CUX1: variants seen among roughly 807,000 people sequenced by gnomAD.
CUX1 encodes protein CASP.
CUX1 carries 31 observed loss-of-function variants against 158.8 expected under a neutral mutation model. The observed-to-expected ratio is 0.20, with a 90% CI of 0.15 to 0.26. CUX1 has a LOEUF of 0.26. CUX1 is among the 10% of genes least tolerant of loss of function. The pLI, the probability that CUX1 is intolerant of heterozygous loss-of-function variation, is 1.00. For synonymous variants in CUX1, 879 were observed against 862.1 expected, an observed-to-expected ratio of 1.02 and a Z score of -0.34; for missense variants, 1,589 against 2,014.6, an observed-to-expected ratio of 0.79 and a Z score of 4.04.
chr7:102,012,917 C>T (rs1818194226), intron 2 of CUX1, among the ~76,000 whole-genome samples: 1 of 152,148 alleles, frequency 6.6e-6, no homozygotes, highest in Non-Finnish European at 1.5e-5. Context: ...GCAGTCAGCA[C>T]CAACCACGGT....
intron 21 of CUX1, among the ~76,000 whole-genome samples, chr7:102,229,593 T>G (rs1349955025): frequency 2.7e-5 from 4 of 146,346 alleles, no homozygotes; most frequent in African/African-American, 5.1e-5. Flanking sequence ...ATTACAGGCA[T>G]GAGCCACCGT....
At chr7:102,170,335 T>G (rs1477335673) in intron 9 of CUX1, 111 bp from the exon 10 acceptor site, 6 of 746,892 alleles carry the variant, frequency 8.0e-6, no homozygotes, top group Non-Finnish European at 1.3e-5. Context: ...GTTGAGTGTT[T>G]AGGAAAATCA....
rs369782160 is a variant in CUX1, at chr7:102,200,123, C to A, written c.2013C>A (p.Ile671=). The change falls in exon 17 of 24, where the codon ATC becomes ATA. Residue 671 remains isoleucine, a synonymous_variant. Coordinates refer to ENST00000292535, the MANE Select transcript of CUX1 (RefSeq NM_181552.4). ...RASETGSDEA[I]KSILEQAKRE... is the part of the protein sequence containing the mutation. ...CGGAGACTGGCTCTGATGAAGCCAT[C>A]AAGTCCATCCTAGAGCAAGCCAAGA... 14 of 1,613,728 alleles carry A rather than the reference C, an allele frequency of 8.7e-6. No homozygotes were observed. The highest frequency in any genetic ancestry group is 1.2e-5 in the Non-Finnish European group (14 of 1,179,828).
At position 102,129,449 on chromosome 7, in the gene CUX1, C is replaced by T. The variant is rs1224239807; in HGVS notation, c.674+14176C>T. Among the ~76,000 whole-genome samples the T allele has an allele frequency of 5.3e-5, 8 of 152,172 alleles. No individual in the cohort carries two copies. The East Asian group carries it at 1.4e-3, about 26-fold the overall frequency. On this transcript the variant is annotated intron_variant, in intron 8 of 23. Coordinates refer to ENST00000292535, the MANE Select transcript of CUX1 (RefSeq NM_181552.4). ...CTGTAATCCCAGCACTTTGGGAGGC[C>T]AAGATGGGCAGATCACTTGAGGTCA...
At chr7:102,262,864 C>T (rs143039203), downstream of CUX1, among the ~76,000 whole-genome samples, 7 of 152,232 alleles carry the variant, frequency 4.6e-5, no homozygotes, top group East Asian at 3.9e-4. Context: ...CTGCCTTACA[C>T]GCTGGGGTTA....
rs532322220 is a variant in CUX1 at position 101,852,605 on chromosome 7, A to AAGAACCTGTG, written c.30+34945_30+34946insGAGAACCTGT. 4.7e-3 allele frequency among the ~76,000 whole-genome samples: 714 copies of AAGAACCTGTG among 152,040 alleles called. 7 individuals carry two copies. Among genetic ancestry groups the AAGAACCTGTG allele is most frequent in the African/African-American group, 0.016 (679 of 41,486 alleles). On this transcript the variant is annotated intron_variant, in intron 1 of 23. Coordinates refer to ENST00000292535, the MANE Select transcript of CUX1 (RefSeq NM_181552.4). ...TGTACTCCAGCCTGGGCGACAGAGC[A>AAGAACCTGTG]AGAACCTGTTGCAACAAATAAAAAA...
At position 101,869,706 on chromosome 7, in the gene CUX1, G is replaced by A. The variant is rs1433162508; in HGVS notation, c.31-46409G>A. ...ATGGAAGACGGCAGGACACACGTGCGAGCCACAGCAGGTGGGCGGGAGCTC... is the reference window on the plus strand; with the variant it reads ...ATGGAAGACGGCAGGACACACGTGCAAGCCACAGCAGGTGGGCGGGAGCTC... On this transcript the variant is annotated intron_variant, in intron 1 of 23. Transcript: ENST00000292535. The surrounding 1 kb of genome is among the most constrained non-coding windows in gnomAD (Gnocchi z 4.5). 6.6e-6 allele frequency among the ~76,000 whole-genome samples: 1 copy of A among 152,154 alleles called. No homozygotes were observed. Among genetic ancestry groups the A allele is most frequent in the Non-Finnish European group, 1.5e-5 (1 of 68,014 alleles).
intron 3 of CUX1, among the ~76,000 whole-genome samples, chr7:102,049,064 G>T (rs1823174906): frequency 6.6e-6 from 1 of 152,008 alleles, no homozygotes. Context: ...CCCCTGCTTT[G>T]CTGCTGTTCT....
chr7:102,102,338 T>C (rs1829864251), intron 5 of CUX1, among the ~76,000 whole-genome samples: 1 of 146,836 alleles, frequency 6.8e-6, no homozygotes, highest in Admixed American at 7.1e-5. Context: ...GCAGGAGAAT[T>C]GCTTGAACCC....
chr7:101,925,636 TA>T (rs202118829), intron 2 of CUX1, among the ~76,000 whole-genome samples: 10 of 150,874 alleles, frequency 6.6e-5, no homozygotes, highest in African/African-American at 1.7e-4. Context: ...AGCTGTTATT[TA>T]AAAAAAAAAT....
chr7:102,195,688 T>C, intron 14 of CUX1, 85 bp downstream of exon 14: 2 of 1,236,896 alleles, frequency 1.6e-6, no homozygotes, highest in East Asian at 5.4e-5. Flanking sequence ...ATCGTGAGTC[T>C]GGACAGATGC....
At chr7:102,009,003 C>T (rs1006834754) in intron 2 of CUX1, among the ~76,000 whole-genome samples, 1 of 152,100 alleles carries the variant, frequency 6.6e-6, no homozygotes, top group Non-Finnish European at 1.5e-5. Context: ...GAACCCTCGG[C>T]CCCGCGTGCT....
chr7:101,906,495 G>T (rs1355967757), intron 1 of CUX1, among the ~76,000 whole-genome samples: 1 of 152,082 alleles, frequency 6.6e-6, no homozygotes, highest in Non-Finnish European at 1.5e-5. Flanking sequence ...CAGCATGCCA[G>T]GTCAGGGTTC....
chr7:102,055,781 C>T (rs575456544), intron 3 of CUX1, among the ~76,000 whole-genome samples: 8 of 152,282 alleles, frequency 5.3e-5, no homozygotes, highest in African/African-American at 1.2e-4. Context: ...GTGAGAAAGG[C>T]GTGTTGAAAG....
At position 102,201,504 on chromosome 7, in the gene CUX1, G is replaced by A. The variant is rs782750771; in HGVS notation, c.2207G>A (p.Ser736Asn). 3.1e-6 allele frequency: 5 copies of A among 1,614,156 alleles called. No individual in the cohort carries two copies. The highest frequency in any genetic ancestry group is 1.1e-5 in the South Asian group (1 of 91,080). ...PALKQAPLSQ[S>N]DITILTPKLL... ...TTAAAGCAGGCACCACTGTCCCAGAGTGACATCACCATCCTCACCCCCAAG... is the reference window on the plus strand; with the variant it reads ...TTAAAGCAGGCACCACTGTCCCAGAATGACATCACCATCCTCACCCCCAAG... The change falls in exon 18 of 24, where the codon AGT becomes AAT. Residue 736 changes from serine (S) to asparagine (N), a missense_variant. Physicochemically the swap from Ser to Asn is conservative, Grantham distance 46. This residue lies in a region of CUX1 where 337 missense variants were observed against 409.3 expected (regional missense o/e 0.82). Transcript: ENST00000292535. The surrounding 1 kb of genome is among the most constrained non-coding windows in gnomAD (Gnocchi z 5.0).
At chr7:102,167,881 C>T (rs1563339867) in intron 9 of CUX1, among the ~76,000 whole-genome samples, 1 of 152,016 alleles carries the variant, frequency 6.6e-6, no homozygotes. Context: ...AGTTCAAGAC[C>T]AGCCTGGCCA....
At chr7:101,838,161 G>T (rs1005963985) in intron 1 of CUX1, among the ~76,000 whole-genome samples, 5 of 146,992 alleles carry the variant, frequency 3.4e-5, no homozygotes, top group Non-Finnish European at 7.4e-5. Flanking sequence ...ACAGAGTCTC[G>T]CTCTGTCGCC....
chr7:101,924,019 T>A (rs961981421), intron 2 of CUX1, among the ~76,000 whole-genome samples: 4 of 152,178 alleles, frequency 2.6e-5, no homozygotes, highest in Non-Finnish European at 4.4e-5. Flanking sequence ...TTACCATCGT[T>A]GAAATTGGCT....
At chr7:101,995,588 C>G (rs1480922385) in intron 2 of CUX1, among the ~76,000 whole-genome samples, 3 of 152,206 alleles carry the variant, frequency 2.0e-5, no homozygotes, top group African/African-American at 7.2e-5. Flanking sequence ...GCAAATGCAA[C>G]AAATAATCCC....
Sources: gnomAD v4.1 joint callset for allele counts (sites outside exome capture counted in the v4.1 genomes callset) on GRCh38, gnomAD v4.1.1 for gene constraint, gnomAD v4.1.1 regional missense constraint, Gnocchi (gnomAD v3.1) non-coding constraint, MANE v1.5 for transcripts, NCBI Gene and HGNC (gene_info 2026-07-23, HGNC 2026-07-21) for gene names.